Variants in ACAD10 observed in about 807,000 individuals in gnomAD.
ACAD10 encodes the protein ACAD-10.
In ACAD10, 112 loss-of-function variants were observed where a neutral mutation model predicts 116.8. The observed-to-expected ratio is 0.96, with a 90% CI of 0.82 to 1.12. The LOEUF is 1.12. Ranked by LOEUF, ACAD10 falls within the 50% of genes most tolerant of loss-of-function variation. The pLI, the probability that ACAD10 is intolerant of heterozygous loss-of-function variation, is 0.00. For missense variants in ACAD10, 1,259 were observed against 1,350.2 expected (o/e 0.93, Z 1.06); for synonymous variants, 486 against 510.6 (o/e 0.95, Z 0.65).
intron 3 of ACAD10, among the ~76,000 whole-genome samples, chr12:111,702,625 G>A (rs891151409): frequency 2.0e-5 from 3 of 152,232 alleles, no homozygotes; most frequent in African/African-American, 7.2e-5. Flanking sequence ...CAGCTATTTG[G>A]GAGGCTGAGG....
chr12:111,744,443 C>G (rs548156984), intron 12 of ACAD10, 200 bp from the exon 13 acceptor site: 66 of 644,838 alleles, frequency 1.0e-4, no homozygotes, highest in Non-Finnish European at 1.1e-4. Flanking sequence ...ACTCAGTTTT[C>G]TTGCGTGCAA....
intron 10 of ACAD10, among the ~76,000 whole-genome samples, chr12:111,731,994 T>C (rs553154321): frequency 6.6e-6 from 1 of 151,996 alleles, no homozygotes; most frequent in Non-Finnish European, 1.5e-5. Context: ...GGCAGGAGAA[T>C]CACTTGAACC....
At chr12:111,752,533 C>G (rs896142555) in intron 18 of ACAD10, among the ~76,000 whole-genome samples, 2 of 151,764 alleles carry the variant, frequency 1.3e-5, no homozygotes, top group South Asian at 2.1e-4. Flanking sequence ...ACTTGAACCC[C>G]GGGAGGCAGA....
intron 8 of ACAD10, among the ~76,000 whole-genome samples, chr12:111,726,907 TC>T (rs1889229472): frequency 1.3e-5 from 2 of 149,920 alleles, no homozygotes; most frequent in South Asian, 4.2e-4. Context: ...GGGTCACTCT[TC>T]AACTAAGAGC....
At chr12:111,754,970 C>T (rs943038716) in intron 19 of ACAD10, among the ~76,000 whole-genome samples, 1 of 152,256 alleles carries the variant, frequency 6.6e-6, no homozygotes, top group African/African-American at 2.4e-5. Context: ...GTACACCAGG[C>T]AGGGGCAGCC....
At chr12:111,710,489 A>T in intron 5 of ACAD10, 3 of 233,516 alleles carry the variant, frequency 1.3e-5, no homozygotes, top group Non-Finnish European at 8.6e-6. Context: ...ACAAGAGGGT[A>T]TTGTGAAATT....
intron 12 of ACAD10, among the ~76,000 whole-genome samples, chr12:111,743,512 T>C (rs1889808374): frequency 6.6e-6 from 1 of 151,862 alleles, no homozygotes; most frequent in Admixed American, 6.6e-5. Context: ...AATTTTTGTA[T>C]TTTTAGTAGA....
In ACAD10 at chr12:111,702,218, G is replaced by A. The variant is rs1459754672; in HGVS notation, c.244G>A (p.Gly82Ser). The change falls in exon 3 of 21, where the codon GGT becomes AGT. Residue 82 changes from glycine (G) to serine (S), a missense_variant. Coordinates refer to ENST00000313698, the MANE Select transcript of ACAD10 (RefSeq NM_025247.6). ...SGTILKALMEGGENGPWMRFM... is the reference protein window; with the variant it reads ...SGTILKALMESGENGPWMRFM... Reference sequence around the variant, plus strand: ...AACTATATTAAAGGCCTTGATGGAAGGTGGTGAAAATGGGCCCTGGATGAG... The same window carrying A: ...AACTATATTAAAGGCCTTGATGGAAAGTGGTGAAAATGGGCCCTGGATGAG... 5.0e-6 allele frequency: 8 copies of A among 1,614,042 alleles called. No homozygotes were observed. Among genetic ancestry groups the A allele is most frequent in the Non-Finnish European group, 6.8e-6 (8 of 1,180,036 alleles).
chr12:111,747,491 AAGG>A, intron 16 of ACAD10, 106 bp downstream of exon 16: 1 of 1,567,906 alleles, frequency 6.4e-7, no homozygotes, highest in Non-Finnish European at 8.7e-7. Context: ...AGTTGACACA[AAGG>A]AGATTCTGTC....
intron 2 of ACAD10, 27 bp downstream of exon 2, chr12:111,692,923 G>T: frequency 6.2e-7 from 1 of 1,609,914 alleles, no homozygotes; most frequent in Non-Finnish European, 8.5e-7. Context: ...GTTTCACTTT[G>T]TGGGACTAGA....
At chr12:111,696,234 A>T (rs1888187312) in intron 2 of ACAD10, among the ~76,000 whole-genome samples, 2 of 151,684 alleles carry the variant, frequency 1.3e-5, no homozygotes, top group South Asian at 4.2e-4. Flanking sequence ...TTTGTTTTTT[A>T]TAGAGATGGG....
intron 12 of ACAD10, among the ~76,000 whole-genome samples, chr12:111,742,455 T>C (rs1207780569): frequency 2.6e-5 from 4 of 152,186 alleles, no homozygotes; most frequent in Admixed American, 2.6e-4. Context: ...TAGAGACCTA[T>C]TGAGGTCCAG....
chr12:111,752,534 G>A (rs1009673652), intron 18 of ACAD10, among the ~76,000 whole-genome samples: 20 of 152,048 alleles, frequency 1.3e-4, no homozygotes, highest in African/African-American at 4.1e-4. Context: ...CTTGAACCCC[G>A]GGAGGCAGAG....
chr12:111,718,197 A>C (rs1392756968), intron 7 of ACAD10, among the ~76,000 whole-genome samples: 1 of 151,562 alleles, frequency 6.6e-6, no homozygotes, highest in Non-Finnish European at 1.5e-5. Flanking sequence ...TTATAGTCAC[A>C]CGCCACCATG....
chr12:111,741,784 GC>G (rs1336967334), intron 12 of ACAD10, among the ~76,000 whole-genome samples: 2 of 152,144 alleles, frequency 1.3e-5, no homozygotes, highest in African/African-American at 4.8e-5. Flanking sequence ...TCTACAATTA[GC>G]TTTAAAATCA....
chr12:111,735,732 G>A (rs1457700489), intron 11 of ACAD10, among the ~76,000 whole-genome samples: 6 of 152,132 alleles, frequency 3.9e-5, no homozygotes, highest in Admixed American at 2.0e-4. Context: ...TAGGATTACA[G>A]GCGTGAGCCA....
At chr12:111,702,988 A>C (rs1289845573) in intron 3 of ACAD10, among the ~76,000 whole-genome samples, 3 of 151,464 alleles carry the variant, frequency 2.0e-5, no homozygotes, top group Admixed American at 6.6e-5. Flanking sequence ...CCAGCTATTC[A>C]GGAGGCTGAG....
intron 16 of ACAD10, among the ~76,000 whole-genome samples, chr12:111,747,964 G>C (rs777895814): frequency 1.2e-4 from 19 of 152,294 alleles, no homozygotes; most frequent in African/African-American, 4.6e-4. Context: ...AGGTTCACCT[G>C]ATTCCAAGGC....
intron 7 of ACAD10, among the ~76,000 whole-genome samples, chr12:111,716,700 C>T (rs771668106): frequency 6.6e-6 from 1 of 151,818 alleles, no homozygotes; most frequent in Non-Finnish European, 1.5e-5. Flanking sequence ...ACCAAAAATA[C>T]GAAAAATTAG....
Sources: gnomAD v4.1 joint callset for allele counts (sites outside exome capture counted in the v4.1 genomes callset) on GRCh38, gnomAD v4.1.1 for gene constraint, MANE v1.5 for transcripts, NCBI Gene and HGNC (gene_info 2026-07-23, HGNC 2026-07-21) for gene names.